Variants in PTPRD observed in about 807,000 individuals in gnomAD.
PTPRD encodes the protein protein tyrosine phosphatase receptor type D.
PTPRD carries 34 observed loss-of-function variants against 214.5 expected under a neutral mutation model. That is an observed-to-expected ratio of 0.16 (90% CI 0.12 to 0.21). PTPRD has a LOEUF of 0.21. Ranked by LOEUF, PTPRD falls within the 10% of genes least tolerant of loss-of-function variation. The pLI is 1.00. For missense variants in PTPRD, 2,545 were observed against 2,398.7 expected (o/e 1.06, Z -1.27); for synonymous variants, 1,128 against 845.7 (o/e 1.33, Z -5.79).
chr9:10,394,009 A>G (rs1323480), intron 2 of PTPRD, among the ~76,000 whole-genome samples: 23,875 of 147,066 alleles, frequency 0.16, 3,085 homozygotes, highest in East Asian at 0.65. Flanking sequence ...TGGAATTTAC[A>G]TTACAGAAGA....
intron 12 of PTPRD, among the ~76,000 whole-genome samples, chr9:8,707,329 C>A (rs2098231308): frequency 6.6e-6 from 1 of 152,152 alleles, no homozygotes; most frequent in Admixed American, 6.5e-5. Context: ...AAATGCAGAT[C>A]TTAAATTGAA....
At chr9:9,677,528 C>A (rs1268904447) in intron 7 of PTPRD, among the ~76,000 whole-genome samples, 1 of 152,066 alleles carries the variant, frequency 6.6e-6, no homozygotes, top group Non-Finnish European at 1.5e-5. Context: ...ACACTTCATG[C>A]TAAAAACTCT....
rs182189121 is a variant in PTPRD, at chr9:9,720,472, G to A, written c.-287+14061C>T. Among the ~76,000 whole-genome samples the A allele has an allele frequency of 8.7e-4, 133 of 152,266 alleles. 2 individuals carry two copies. Among genetic ancestry groups the A allele is most frequent in the African/African-American group, 3.0e-3 (125 of 41,558 alleles). Reference sequence around the variant, plus strand: ...CTTATTTACTTAAGGACATGAAGCCGAAAGTCAGAAGTTAGGACAGACTTA... The same window carrying A: ...CTTATTTACTTAAGGACATGAAGCCAAAAGTCAGAAGTTAGGACAGACTTA... On this transcript the variant is annotated intron_variant, in intron 7 of 45. Coordinates refer to ENST00000381196, the MANE Select transcript of PTPRD (RefSeq NM_002839.4).
chr9:10,453,721 T>C (rs2098872613), intron 2 of PTPRD, among the ~76,000 whole-genome samples: 1 of 151,702 alleles, frequency 6.6e-6, no homozygotes, highest in African/African-American at 2.4e-5. Context: ...AACATTTCTC[T>C]ACACAAGATT....
At chr9:10,093,243 C>T (rs1280142209) in intron 3 of PTPRD, among the ~76,000 whole-genome samples, 1 of 151,032 alleles carries the variant, frequency 6.6e-6, no homozygotes, top group Non-Finnish European at 1.5e-5. Flanking sequence ...AAACTTAAAT[C>T]AACAAGCAAA....
At chr9:8,517,759 C>A in intron 21 of PTPRD, 89 bp downstream of exon 21, 1 of 1,123,702 alleles carries the variant, frequency 8.9e-7, no homozygotes, top group South Asian at 1.6e-5. Flanking sequence ...AAATTCATAC[C>A]ATCTTTGTTC....
chr9:8,892,522 T>G (rs2098548264), intron 11 of PTPRD, among the ~76,000 whole-genome samples: 2 of 151,300 alleles, frequency 1.3e-5, no homozygotes, highest in Non-Finnish European at 1.5e-5. Flanking sequence ...AATATATATA[T>G]ATGTGTGTGT....
intron 39 of PTPRD, among the ~76,000 whole-genome samples, chr9:8,357,728 T>C (rs1211477403): frequency 6.6e-6 from 1 of 152,162 alleles, no homozygotes; most frequent in Non-Finnish European, 1.5e-5. Context: ...CTACCTCATA[T>C]AGGGAGGAAG....
chr9:8,469,455 C>G (rs1396320236), intron 31 of PTPRD, among the ~76,000 whole-genome samples: 1 of 151,924 alleles, frequency 6.6e-6, no homozygotes, highest in Non-Finnish European at 1.5e-5. Context: ...TCCATTTCAA[C>G]TTAAACAGGA....
intron 11 of PTPRD, among the ~76,000 whole-genome samples, chr9:8,942,304 G>A (rs1336479093): frequency 6.6e-6 from 1 of 152,004 alleles, no homozygotes. Context: ...CTTTTATTAA[G>A]CTGTTCTAAA....
intron 11 of PTPRD, among the ~76,000 whole-genome samples, chr9:8,905,096 T>C (rs777218303): frequency 1.3e-5 from 2 of 152,208 alleles, no homozygotes; most frequent in Non-Finnish European, 2.9e-5. Context: ...TGTCTACCTT[T>C]AAGGTCATTC....
intron 3 of PTPRD, among the ~76,000 whole-genome samples, chr9:10,125,808 C>T (rs1339169413): frequency 6.6e-6 from 1 of 151,768 alleles, no homozygotes; most frequent in Non-Finnish European, 1.5e-5. Flanking sequence ...TTTAGTAAAA[C>T]TATAAGTTAG....
intron 5 of PTPRD, among the ~76,000 whole-genome samples, chr9:9,932,472 T>A (rs2087088990): frequency 7.0e-6 from 1 of 142,666 alleles, no homozygotes; most frequent in Admixed American, 7.0e-5. Context: ...GAAGAAAGGG[T>A]ATCAGCAATG....
In PTPRD at chr9:8,492,979, C is replaced by G. The variant is rs1192842773; in HGVS notation, c.2350G>C (p.Asp784His). The G allele has an allele frequency of 6.2e-7, 1 of 1,607,554 alleles. No homozygotes were observed. Among genetic ancestry groups the G allele is most frequent in the Non-Finnish European group, 8.5e-7 (1 of 1,174,434 alleles). The part of the protein sequence containing the change: ...QWEFDDTTEH[D>H]MIISGLQPET... ...GGCTGGAGCCCAGAAATGATCATGT[C>G]CTGAAATGACAAAATAGAATGTCAC... The change falls in exon 27 of 46, where the codon GAC (aspartate) becomes CAC (histidine). Residue 784 changes from aspartate to histidine, a missense_variant and splice_region_variant. By Grantham distance (81) the Asp-to-His change is moderately conservative. Transcript: ENST00000381196.
intron 3 of PTPRD, among the ~76,000 whole-genome samples, chr9:10,163,021 C>G (rs1592837821): frequency 6.6e-6 from 1 of 150,594 alleles, no homozygotes; most frequent in Admixed American, 6.6e-5. Context: ...ATGTCTATCT[C>G]TCTATATAGA....
chr9:8,633,210 G>C (rs1046074374), intron 14 of PTPRD, 107 bp downstream of exon 14: 2 of 1,364,666 alleles, frequency 1.5e-6, no homozygotes, highest in African/African-American at 3.0e-5. Context: ...ATTTAACTGA[G>C]TTTCCCATTT....
intron 8 of PTPRD, among the ~76,000 whole-genome samples, chr9:9,555,297 A>G (rs1464990946): frequency 6.6e-6 from 1 of 152,060 alleles, no homozygotes; most frequent in Non-Finnish European, 1.5e-5. Flanking sequence ...GTTTACCTAT[A>G]TAAACCTGAA....
chr9:9,002,789 C>A (rs1450702723), intron 11 of PTPRD, among the ~76,000 whole-genome samples: 1 of 152,044 alleles, frequency 6.6e-6, no homozygotes, highest in African/African-American at 2.4e-5. Context: ...TCTTGCTTGA[C>A]CAGCTCTTTC....
intron 8 of PTPRD, among the ~76,000 whole-genome samples, chr9:9,477,857 T>C (rs545427097): frequency 1.3e-5 from 2 of 152,292 alleles, no homozygotes; most frequent in African/African-American, 4.8e-5. Context: ...AAGAATAATA[T>C]TGCTTAATCT....
Sources: allele counts gnomAD v4.1 joint callset (sites outside exome capture counted in the v4.1 genomes callset), GRCh38; gene constraint gnomAD v4.1.1; transcripts MANE v1.5; gene names NCBI Gene and HGNC (gene_info 2026-07-23, HGNC 2026-07-21).